SLC8A1: variants seen among roughly 807,000 people sequenced by gnomAD.
The protein encoded by SLC8A1 is solute carrier family 8 member A1, also known as sodium/calcium exchanger 1.
SLC8A1 carries 18 observed loss-of-function variants against 68.3 expected under a neutral mutation model. The ratio of observed to expected loss-of-function variants is 0.26; its 90% confidence interval spans 0.18 to 0.39. The LOEUF is 0.39. Ranked by LOEUF, SLC8A1 falls within the 10% of genes least tolerant of loss-of-function variation. SLC8A1 has a pLI of 1.00. For synonymous variants in SLC8A1, 475 were observed against 415.5 expected, an observed-to-expected ratio of 1.14 and a Z score of -1.74; for missense variants, 985 against 1,156.7, an observed-to-expected ratio of 0.85 and a Z score of 2.15.
chr2:40,128,641 C>T lies in SLC8A1; in HGVS notation c.2437+10760G>A, dbSNP rs563850761. Among the ~76,000 whole-genome samples, 11 of 152,266 alleles carry T rather than the reference C, an allele frequency of 7.2e-5. No homozygotes were observed. The South Asian group carries it at 1.0e-3, about 14-fold the overall frequency. ...TAAGAGTCACAGTGCTAATTCTAAGCGCCATTGTGTGATCCCCACCCCCAG... is the reference window on the plus strand; with the variant it reads ...TAAGAGTCACAGTGCTAATTCTAAGTGCCATTGTGTGATCCCCACCCCCAG... On this transcript the variant is annotated intron_variant, in intron 7 of 7. Transcript: ENST00000406785.
chr2:40,172,327 T>C (rs1384143508), intron 4 of SLC8A1, among the ~76,000 whole-genome samples: 3 of 152,192 alleles, frequency 2.0e-5, no homozygotes, highest in Non-Finnish European at 4.4e-5. Context: ...ATTCCCAAGT[T>C]TTGGAACATT....
intron 2 of SLC8A1, among the ~76,000 whole-genome samples, chr2:40,342,148 T>C (rs1357228671): frequency 2.0e-5 from 3 of 152,094 alleles, no homozygotes; most frequent in East Asian, 1.9e-4. Context: ...GAGATACAAA[T>C]AATTTTTGTC....
intron 2 of SLC8A1, among the ~76,000 whole-genome samples, chr2:40,310,217 C>T (rs1021278596): frequency 1.2e-4 from 18 of 152,186 alleles, no homozygotes; most frequent in African/African-American, 4.8e-5. Context: ...GGAGTTGGTG[C>T]AGACCCAGTC....
chr2:40,451,359 A>C (rs926170592), intron 1 of SLC8A1, among the ~76,000 whole-genome samples: 2 of 150,960 alleles, frequency 1.3e-5, no homozygotes, highest in Non-Finnish European at 2.9e-5. Context: ...GCCCCGCCAC[A>C]CCTCCCTCCT....
intron 2 of SLC8A1, among the ~76,000 whole-genome samples, chr2:40,389,305 G>A (rs1055370640): frequency 6.6e-6 from 1 of 151,824 alleles, no homozygotes; most frequent in African/African-American, 2.4e-5. Context: ...CACGGTAAGT[G>A]TCCTACATAT....
intron 2 of SLC8A1, among the ~76,000 whole-genome samples, chr2:40,344,946 T>A (rs1402457214): frequency 2.0e-5 from 3 of 152,188 alleles, no homozygotes; most frequent in Non-Finnish European, 4.4e-5. Context: ...ATTGCACAGG[T>A]CAGGATGGAC....
At chr2:40,333,307 A>G (rs765370601) in intron 2 of SLC8A1, among the ~76,000 whole-genome samples, 38 of 151,946 alleles carry the variant, frequency 2.5e-4, no homozygotes, top group Admixed American at 4.6e-4. Flanking sequence ...GTGTGGTGGC[A>G]TGTGCCTGTA....
intron 2 of SLC8A1, among the ~76,000 whole-genome samples, chr2:40,317,803 C>G (rs1328538624): frequency 2.0e-5 from 3 of 151,926 alleles, no homozygotes; most frequent in African/African-American, 4.8e-5. Context: ...TTAAAGAAAA[C>G]AGTAAATTTG....
At chr2:40,236,711 T>A (rs920496495) in intron 2 of SLC8A1, among the ~76,000 whole-genome samples, 14 of 152,200 alleles carry the variant, frequency 9.2e-5, no homozygotes, top group Non-Finnish European at 1.6e-4. Flanking sequence ...GTCTTTACAA[T>A]TTGGCATGAT....
chr2:40,117,328 T>C (rs2035664697), intron 7 of SLC8A1, among the ~76,000 whole-genome samples: 1 of 145,088 alleles, frequency 6.9e-6, no homozygotes, highest in African/African-American at 2.6e-5. Flanking sequence ...GCGGATCACT[T>C]GAGGTTAGGA....
At chr2:40,459,073 C>G (rs1703187663) in intron 1 of SLC8A1, among the ~76,000 whole-genome samples, 1 of 152,180 alleles carries the variant, frequency 6.6e-6, no homozygotes, top group Non-Finnish European at 1.5e-5. Context: ...GGCACTGTCT[C>G]AGACACTGGA....
intron 2 of SLC8A1, among the ~76,000 whole-genome samples, chr2:40,396,304 G>A (rs904308387): frequency 2.6e-4 from 39 of 152,068 alleles, no homozygotes; most frequent in Admixed American, 7.9e-4. Flanking sequence ...CTTGAAGAGC[G>A]CTGCTTTTCC....
chr2:40,267,920 G>A (rs1461909805), intron 2 of SLC8A1, among the ~76,000 whole-genome samples: 1 of 152,154 alleles, frequency 6.6e-6, no homozygotes, highest in Non-Finnish European at 1.5e-5. Flanking sequence ...TATGCAGGAT[G>A]ACATGAGGGA....
At chr2:40,176,838 T>C (rs2048555241) in intron 3 of SLC8A1, among the ~76,000 whole-genome samples, 1 of 152,202 alleles carries the variant, frequency 6.6e-6, no homozygotes, top group Non-Finnish European at 1.5e-5. Flanking sequence ...TGTGGTCTGC[T>C]CATTTTACAC....
chr2:40,147,625 T>C (rs2042700042), intron 6 of SLC8A1, among the ~76,000 whole-genome samples: 1 of 152,202 alleles, frequency 6.6e-6, no homozygotes, highest in African/African-American at 2.4e-5. Context: ...ATTAGCCTCC[T>C]GTAGTGTGGG....
At chr2:40,465,540 T>A (rs1243820527) in intron 1 of SLC8A1, among the ~76,000 whole-genome samples, 1 of 152,188 alleles carries the variant, frequency 6.6e-6, no homozygotes, top group Non-Finnish European at 1.5e-5. Flanking sequence ...ATCTGATTAC[T>A]ACATCATCTC....
intron 2 of SLC8A1, among the ~76,000 whole-genome samples, chr2:40,356,650 T>C (rs1458458153): frequency 1.3e-5 from 2 of 150,862 alleles, no homozygotes; most frequent in Non-Finnish European, 2.9e-5. Context: ...TGTTAAGATG[T>C]TGGTTTCAAA....
At chr2:40,268,919 G>A (rs2065691059) in intron 2 of SLC8A1, among the ~76,000 whole-genome samples, 1 of 152,194 alleles carries the variant, frequency 6.6e-6, no homozygotes, top group African/African-American at 2.4e-5. Flanking sequence ...TTCTACTCCA[G>A]AGTAACCTCA....
intron 2 of SLC8A1, among the ~76,000 whole-genome samples, chr2:40,375,967 C>T (rs1575822970): frequency 6.6e-6 from 1 of 151,976 alleles, no homozygotes; most frequent in East Asian, 1.9e-4. Flanking sequence ...CACCACTACA[C>T]TCCAGCTTGG....
Sources: allele counts gnomAD v4.1 joint callset (sites outside exome capture counted in the v4.1 genomes callset), GRCh38; gene constraint gnomAD v4.1.1; transcripts MANE v1.5; gene names NCBI Gene and HGNC (gene_info 2026-07-23, HGNC 2026-07-21).